The following ARHGEF28 variants were observed in gnomAD, a reference collection of about 807,000 sequenced individuals.
The protein encoded by ARHGEF28 is Rho guanine nucleotide exchange factor 28, also known as 190 kDa guanine nucleotide exchange factor.
In ARHGEF28, 152 loss-of-function variants were observed where a neutral mutation model predicts 206.6. That is an observed-to-expected ratio of 0.74 (90% CI 0.64 to 0.84). ARHGEF28 has a LOEUF of 0.84. Ranked by LOEUF, ARHGEF28 falls within the 40% of genes least tolerant of loss-of-function variation. The pLI is 0.00. For missense variants in ARHGEF28, 2,028 were observed against 2,073.2 expected (o/e 0.98, Z 0.42); for synonymous variants, 763 against 776.4 (o/e 0.98, Z 0.29).
intron 35 of ARHGEF28, among the ~76,000 whole-genome samples, chr5:73,915,810 G>C (rs1763179934): frequency 6.6e-6 from 1 of 152,040 alleles, no homozygotes; most frequent in Non-Finnish European, 1.5e-5. Flanking sequence ...CTTTTCAGTT[G>C]TATTTTTCTG....
chr5:73,872,882 T>C, intron 21 of ARHGEF28, 117 bp from the exon 22 acceptor site: 1 of 1,186,184 alleles, frequency 8.4e-7, no homozygotes, highest in Admixed American at 2.8e-5. Flanking sequence ...TTCTTGATAT[T>C]CCTAAACATT....
Position 73,763,366 on chromosome 5 carries a change from G to A in ARHGEF28, c.475+10164G>A, listed in dbSNP as rs79975259. On this transcript the variant is annotated intron_variant, in intron 4 of 35. Transcript: ENST00000513042. ...CTAATATTTCTCAATCCGGGACTTT[G>A]GACACAAGACACTGGCTTCCAGTGC... Among the ~76,000 whole-genome samples the A allele has an allele frequency of 5.4e-3, 820 of 152,192 alleles. 8 individuals carry two copies. Among genetic ancestry groups the A allele is most frequent in the African/African-American group, 0.015 (621 of 41,512 alleles).
intron 29 of ARHGEF28, among the ~76,000 whole-genome samples, chr5:73,897,664 T>C (rs1218024242): frequency 6.6e-6 from 1 of 152,220 alleles, no homozygotes; most frequent in Non-Finnish European, 1.5e-5. Flanking sequence ...TGTCGTAAAA[T>C]GATGCTAAAA....
intron 1 of ARHGEF28, among the ~76,000 whole-genome samples, chr5:73,663,947 T>G (rs1215641811): frequency 1.3e-5 from 2 of 152,208 alleles, no homozygotes; most frequent in African/African-American, 2.4e-5. Flanking sequence ...ACAATAGCAA[T>G]TTTTTGACTC....
At chr5:73,690,088 C>T (rs1439324145) in intron 2 of ARHGEF28, among the ~76,000 whole-genome samples, 2 of 149,120 alleles carry the variant, frequency 1.3e-5, no homozygotes, top group Non-Finnish European at 1.5e-5. Context: ...TTCACGTTGC[C>T]GTGAGAAAGT....
chr5:73,811,865 C>T (rs891087752), intron 9 of ARHGEF28, among the ~76,000 whole-genome samples: 15 of 151,456 alleles, frequency 9.9e-5, no homozygotes, highest in Non-Finnish European at 1.9e-4. Flanking sequence ...TGCCTGTAGA[C>T]GCAACTACTC....
chr5:73,725,238 A>C (rs1317611234), intron 2 of ARHGEF28, among the ~76,000 whole-genome samples: 1 of 152,240 alleles, frequency 6.6e-6, no homozygotes, highest in Non-Finnish European at 1.5e-5. Flanking sequence ...ATCATAAACC[A>C]TGGCAGACTG....
At chr5:73,759,498 T>C (rs1752488259) in intron 4 of ARHGEF28, among the ~76,000 whole-genome samples, 1 of 152,200 alleles carries the variant, frequency 6.6e-6, no homozygotes. Flanking sequence ...TGTTTTTCTA[T>C]GCTTTACACA....
chr5:73,860,068 G>C (rs1473683738), intron 16 of ARHGEF28, among the ~76,000 whole-genome samples: 2 of 152,106 alleles, frequency 1.3e-5, no homozygotes, highest in African/African-American at 4.8e-5. Flanking sequence ...TCTCCTTTCA[G>C]GGATGTTTCC....
chr5:73,853,478 T>C lies in ARHGEF28; in HGVS notation c.1790+786T>C, dbSNP rs115894293. Among the ~76,000 whole-genome samples the C allele has an allele frequency of 6.0e-3, 909 of 152,348 alleles. 6 individuals are homozygous for C. Among genetic ancestry groups the C allele is most frequent in the African/African-American group, 0.021 (856 of 41,574 alleles). On this transcript the variant is annotated intron_variant, in intron 14 of 35. Transcript: ENST00000513042. ...AAACGTTTTAGTATACGGATCAAGA[T>C]GGGGTGTTTCGTTTTAAATCCTGGA...
Position 73,903,570 on chromosome 5 carries a change from C to A in ARHGEF28, c.4075-652C>A, listed in dbSNP as rs921377607. On this transcript the variant is annotated intron_variant, in intron 31 of 35. Coordinates refer to ENST00000513042, the MANE Select transcript of ARHGEF28 (RefSeq NM_001177693.2). ...GAAGAGACAAAGAACAAGGCATAGA[C>A]CCTCTCCCTAAAGAACAGACGGTCT... 7 of 152,756 alleles carry A rather than the reference C, an allele frequency of 4.6e-5. No individual in the cohort carries two copies. In the East Asian group the frequency reaches 1.2e-3, roughly 25 times the overall value. The allele number at this position is 152,756 out of a possible 1,614,324, so 9.5% of individuals were successfully genotyped here.
intron 1 of ARHGEF28, among the ~76,000 whole-genome samples, chr5:73,673,987 C>T (rs1746501446): frequency 7.1e-6 from 1 of 140,882 alleles, no homozygotes; most frequent in Admixed American, 7.2e-5. Context: ...GCCTGGGCAA[C>T]AGAGTGACAC....
chr5:73,731,389 T>A (rs1750614047), intron 2 of ARHGEF28, among the ~76,000 whole-genome samples: 1 of 152,240 alleles, frequency 6.6e-6, no homozygotes, highest in East Asian at 1.9e-4. Context: ...TTTGGAAGCA[T>A]GCCTTTGCTT....
rs958594154 is a variant in ARHGEF28 at position 73,797,866 on chromosome 5, C to T, written c.1024+2475C>T. Among the ~76,000 whole-genome samples, 5 of 152,302 alleles carry T rather than the reference C, an allele frequency of 3.3e-5. No homozygotes were observed. In the East Asian group the frequency reaches 5.8e-4, roughly 18 times the overall value. ...AGTGACACAAGTGCTGTTCCAGTGGCACCCTCTGTGCTGATGGACACATTT... is the reference window on the plus strand; with the variant it reads ...AGTGACACAAGTGCTGTTCCAGTGGTACCCTCTGTGCTGATGGACACATTT... On this transcript the variant is annotated intron_variant, in intron 9 of 35. Transcript: ENST00000513042.
chr5:73,663,265 C>T (rs1745729585), intron 1 of ARHGEF28, among the ~76,000 whole-genome samples: 2 of 152,148 alleles, frequency 1.3e-5, no homozygotes, highest in African/African-American at 4.8e-5. Flanking sequence ...CAAAATCTGA[C>T]CAATTTTCAA....
Position 73,909,754 on chromosome 5 carries a change from C to A in ARHGEF28, c.4504C>A (p.His1502Asn), listed in dbSNP as rs1204382344. ...ELDLQLQEYQ[H>N]SLERLREGQR... ...GGACCTCCAGCTCCAGGAGTACCAG[C>A]ACAGCCTGGAGCGGCTGAGGGAGGG... Residue 1502 changes from histidine (H) to asparagine (N), a missense_variant, in exon 34 of 36, where the codon CAC (histidine) becomes AAC (asparagine). By Grantham distance (68) the His-to-Asn change is moderately conservative (BLOSUM62 1). Around this residue, in one of 3 missense-constraint regions of ARHGEF28, gnomAD observed 803 missense variants for 768.0 expected, o/e 1.05. Transcript: ENST00000513042. The A allele has an allele frequency of 1.3e-6, 2 of 1,515,080 alleles. No homozygotes were observed. The highest frequency in any genetic ancestry group is 4.9e-5 in the East Asian group (2 of 40,830). 93.9% of individuals were successfully genotyped at this position (1,515,080 alleles called of 1,614,324 possible).
intron 11 of ARHGEF28, 123 bp from the exon 12 acceptor site, chr5:73,846,145 T>G (rs1392258701): frequency 1.2e-6 from 1 of 835,508 alleles, no homozygotes; most frequent in African/African-American, 1.7e-5. Flanking sequence ...AGTTGGAAAT[T>G]AAATGAATAC....
Position 73,884,314 on chromosome 5 carries a change from T to C in ARHGEF28, c.3055+430T>C, listed in dbSNP as rs138443947. Reference sequence around the variant, plus strand: ...TAAGAAGGATCTATTTTTGACCCTGTCAATTCATCAAGTTCCAGGGAGTAA... The same window carrying C: ...TAAGAAGGATCTATTTTTGACCCTGCCAATTCATCAAGTTCCAGGGAGTAA... On this transcript the variant is annotated intron_variant, in intron 24 of 35. Coordinates refer to ENST00000513042, the MANE Select transcript of ARHGEF28 (RefSeq NM_001177693.2). 2.5e-3 allele frequency among the ~76,000 whole-genome samples: 388 copies of C among 152,324 alleles called. 1 individual carries two copies. The highest frequency in any genetic ancestry group is 3.0e-3 in the Non-Finnish European group (207 of 68,024).
At chr5:73,659,898 A>G (rs182697049) in intron 1 of ARHGEF28, among the ~76,000 whole-genome samples, 2 of 148,950 alleles carry the variant, frequency 1.3e-5, no homozygotes, top group Admixed American at 1.3e-4. Flanking sequence ...TAGTAAGTCA[A>G]TTTTTTTTTT....
Sources: allele counts gnomAD v4.1 joint callset (sites outside exome capture counted in the v4.1 genomes callset), GRCh38; gene constraint gnomAD v4.1.1; regional missense constraint gnomAD v4.1.1; transcripts MANE v1.5; gene names NCBI Gene and HGNC (gene_info 2026-07-23, HGNC 2026-07-21).